Variants in GPRC5A observed in about 807,000 individuals in gnomAD.
GPRC5A encodes the protein retinoic acid-induced protein 3.
GPRC5A carries 19 observed loss-of-function variants against 22.5 expected under a neutral mutation model. The ratio of observed to expected loss-of-function variants is 0.85; its 90% confidence interval spans 0.59 to 1.24. GPRC5A has a LOEUF of 1.24. Among genes scored for constraint, GPRC5A ranks in the 50% most tolerant of loss-of-function variants. The pLI, the probability that GPRC5A is intolerant of heterozygous loss-of-function variation, is 0.00. For synonymous variants in GPRC5A, 192 were observed against 184.5 expected (o/e 1.04, Z -0.33); for missense variants, 471 against 451.1 (o/e 1.04, Z -0.40).
chr12:12,897,273 A>G (rs1291448709), intron 1 of GPRC5A, among the ~76,000 whole-genome samples: 2 of 150,510 alleles, frequency 1.3e-5, no homozygotes, highest in Non-Finnish European at 3.0e-5. Context: ...AGTAATAATG[A>G]TAATAATTTA....
At chr12:12,894,013 C>T (rs543834443) in intron 1 of GPRC5A, among the ~76,000 whole-genome samples, 73 of 152,302 alleles carry the variant, frequency 4.8e-4, no homozygotes, top group Middle Eastern at 3.4e-3. Flanking sequence ...CTGCCTGCCT[C>T]GGCCTCCCAA....
chr12:12,912,556 G>A lies in GPRC5A; in HGVS notation c.*17G>A, dbSNP rs1398606523. The A allele has an allele frequency of 1.4e-6, 2 of 1,442,536 alleles. No homozygotes were observed. Among genetic ancestry groups the A allele is most frequent in the Admixed American group, 1.7e-5 (1 of 59,672 alleles). 89.4% of individuals were successfully genotyped at this position (1,442,536 alleles called of 1,614,324 possible). A position where few individuals can be genotyped will look rare whatever the true frequency, so the allele number is the denominator to read the frequency against. On this transcript the variant is annotated 3_prime_UTR_variant, in exon 4 of 4. Transcript: ENST00000014914. ...GGCAGCTAACTCTGTCCTGAAGAGT[G>A]GGACAAATGCAGCCGGGCGGCAGAT...
rs756970641 is a variant in GPRC5A at position 12,908,242 on chromosome 12, G to C, written c.-7-1G>C. ...CCCACTCCAACATTCCTTTTCTGCA[G>C]GTCCAGAATGGCTACAACAGTCCCT... On this transcript the variant is annotated splice_acceptor_variant, in intron 1 of 3. Coordinates refer to ENST00000014914, the MANE Select transcript of GPRC5A (RefSeq NM_003979.4). LOFTEE classifies it low-confidence loss of function (5UTR_SPLICE). 1 of 1,547,746 alleles carries C rather than the reference G, an allele frequency of 6.5e-7. No homozygotes were observed. The highest frequency in any genetic ancestry group is 2.0e-5 in the Admixed American group (1 of 51,264).
intron 1 of GPRC5A, among the ~76,000 whole-genome samples, chr12:12,892,909 G>T (rs1450836522): frequency 2.6e-5 from 4 of 152,174 alleles, no homozygotes; most frequent in Non-Finnish European, 5.9e-5. Flanking sequence ...CGGGAGGGGT[G>T]AGGGCGGAGG....
At chr12:12,912,321 T>C (rs930846363) in intron 3 of GPRC5A, 126 bp from the exon 4 acceptor site, 3 of 839,758 alleles carry the variant, frequency 3.6e-6, no homozygotes, top group Non-Finnish European at 6.2e-6. Context: ...GTGCTTGGCA[T>C]AGAGAGGACT....
At chr12:12,903,956 A>G (rs1863914576) in intron 1 of GPRC5A, among the ~76,000 whole-genome samples, 1 of 152,214 alleles carries the variant, frequency 6.6e-6, no homozygotes, top group African/African-American at 2.4e-5. Flanking sequence ...AATTATGAAA[A>G]CAACTACTTG....
In GPRC5A at chr12:12,916,824, AT is replaced by A. The variant is rs1864068667; in HGVS notation, c.*4286del. On this transcript the variant is annotated 3_prime_UTR_variant, in exon 4 of 4. Transcript: ENST00000014914. ...AGAGTACGGCCGGCCCTGGAAATGC[AT>A]CAGCAAAACCCATTTCCCCCGTGCA... is the stretch of plus-strand genomic sequence containing the variant. 1.3e-5 allele frequency: 2 copies of A among 152,262 alleles called. No individual in the cohort carries two copies. Among genetic ancestry groups the A allele is most frequent in the African/African-American group, 4.8e-5 (2 of 41,444 alleles). 9.4% of individuals were successfully genotyped at this position (152,262 alleles called of 1,614,324 possible).
intron 1 of GPRC5A, among the ~76,000 whole-genome samples, chr12:12,907,519 A>G (rs1329898676): frequency 6.6e-6 from 1 of 152,164 alleles, no homozygotes; most frequent in Non-Finnish European, 1.5e-5. Flanking sequence ...AGAGGCTGCA[A>G]CGTTATGATT....
At chr12:12,894,022 A>G (rs1863794061) in intron 1 of GPRC5A, among the ~76,000 whole-genome samples, 1 of 152,232 alleles carries the variant, frequency 6.6e-6, no homozygotes, top group South Asian at 2.1e-4. Context: ...TCGGCCTCCC[A>G]AAGTGCTGGG....
At chr12:12,902,660 C>T (rs1470525018) in intron 1 of GPRC5A, among the ~76,000 whole-genome samples, 1 of 152,050 alleles carries the variant, frequency 6.6e-6, no homozygotes, top group Non-Finnish European at 1.5e-5. Context: ...GTTTCAGCTT[C>T]TTGTGGGTGC....
At chr12:12,900,343 G>A (rs967367396) in intron 1 of GPRC5A, among the ~76,000 whole-genome samples, 11 of 152,294 alleles carry the variant, frequency 7.2e-5, no homozygotes, top group African/African-American at 2.6e-4. Flanking sequence ...GTGGGTGAAC[G>A]GTGGAGCTGA....
chr12:12,906,321 A>G (rs1863940406), intron 1 of GPRC5A, among the ~76,000 whole-genome samples: 1 of 152,274 alleles, frequency 6.6e-6, no homozygotes. Flanking sequence ...CTATAATCCC[A>G]GCACTTTGGG....
At chr12:12,901,923 G>A (rs1489254453) in intron 1 of GPRC5A, among the ~76,000 whole-genome samples, 1 of 152,196 alleles carries the variant, frequency 6.6e-6, no homozygotes, top group Non-Finnish European at 1.5e-5. Context: ...ACCACCGCTA[G>A]TCTCATTCTC....
chr12:12,909,937 T>TAAAAAAA (rs1158941504), intron 2 of GPRC5A: 14 of 95,328 alleles, frequency 1.5e-4, no homozygotes, highest in Non-Finnish European at 2.0e-4. Context: ...CATCTCTATT[T>TAAAAAAA]AAAAAAAAAA....
In GPRC5A at chr12:12,908,498, C is replaced by A; in HGVS notation, c.249C>A (p.Phe83Leu). The A allele has an allele frequency of 1.2e-6, 2 of 1,614,134 alleles. No homozygotes were observed. The highest frequency in any genetic ancestry group is 1.6e-4 in the Middle Eastern group (1 of 6,062). ...LGVLGIFGLT[F>L]AFIIGLDGST... Reference sequence around the variant, plus strand: ...TGTTGGGCATCTTTGGCCTCACCTTCGCCTTCATCATCGGACTGGACGGGA... The same window carrying A: ...TGTTGGGCATCTTTGGCCTCACCTTAGCCTTCATCATCGGACTGGACGGGA... Residue 83 changes from phenylalanine to leucine, a missense_variant, in exon 2 of 4, where the codon TTC becomes TTA. Physicochemically the swap from Phe to Leu is conservative, Grantham distance 22. Coordinates refer to ENST00000014914, the MANE Select transcript of GPRC5A (RefSeq NM_003979.4).
Position 12,908,987 on chromosome 12 carries a change from C to A in GPRC5A, c.738C>A (p.Ser246Arg), listed in dbSNP as rs752539549. Residue 246 changes from serine to arginine, a missense_variant, in exon 2 of 4, where the codon AGC (serine) becomes AGA (arginine). Physicochemically the swap from Ser to Arg is moderately radical, Grantham distance 110. Coordinates refer to ENST00000014914, the MANE Select transcript of GPRC5A (RefSeq NM_003979.4). ...GCAGGTGGGATGACACCATCCTCAGCTCCGCCTTGGCTGCCAATGGCTGGG... is the reference window on the plus strand; with the variant it reads ...GCAGGTGGGATGACACCATCCTCAGATCCGCCTTGGCTGCCAATGGCTGGG... ...FDRRWDDTIL[S>R]SALAANGWVF... 1 of 1,614,178 alleles carries A rather than the reference C, an allele frequency of 6.2e-7. No individual in the cohort carries two copies. Among genetic ancestry groups the A allele is most frequent in the South Asian group, 1.1e-5 (1 of 91,086 alleles).
rs1864067460 is a variant in GPRC5A at position 12,916,705 on chromosome 12, G to A, written c.*4166G>A. On this transcript the variant is annotated 3_prime_UTR_variant, in exon 4 of 4. Transcript: ENST00000014914. ...TTTGCATCCAATCTGGCATCTTTAC[G>A]GAGAGCGGTCTCATATGCTATTGTT... 6.6e-6 allele frequency: 1 copy of A among 152,102 alleles called. No individual in the cohort carries two copies. Among genetic ancestry groups the A allele is most frequent in the African/African-American group, 2.4e-5 (1 of 41,428 alleles). 9.4% of individuals were successfully genotyped at this position (152,102 alleles called of 1,614,324 possible).
chr12:12,917,360 A>C lies in GPRC5A; in HGVS notation c.*4821A>C, dbSNP rs1307370075. The stretch of plus-strand genomic sequence containing the variant: ...GTGCCAAAAATTTTAGAGTTTGAGA[A>C]GGTCACAGAAATCCTCTAGTTGGTG... On this transcript the variant is annotated 3_prime_UTR_variant, in exon 4 of 4. Coordinates refer to ENST00000014914, the MANE Select transcript of GPRC5A (RefSeq NM_003979.4). 6.6e-6 allele frequency: 1 copy of C among 152,024 alleles called. No individual in the cohort carries two copies. The highest frequency in any genetic ancestry group is 2.4e-5 in the African/African-American group (1 of 41,404). The allele number at this position is 152,024 out of a possible 1,614,324, so 9.4% of individuals were successfully genotyped here. A position where few individuals can be genotyped will look rare whatever the true frequency, so the allele number is the denominator to read the frequency against.
chr12:12,910,128 G>A (rs974842143), intron 2 of GPRC5A, among the ~76,000 whole-genome samples: 5 of 152,038 alleles, frequency 3.3e-5, no homozygotes, highest in African/African-American at 7.3e-5. Flanking sequence ...TAATCACAGG[G>A]GGTGGGTGGT....
Sources: allele counts gnomAD v4.1 joint callset (sites outside exome capture counted in the v4.1 genomes callset), GRCh38; gene constraint gnomAD v4.1.1; transcripts MANE v1.5; gene names NCBI Gene and HGNC (gene_info 2026-07-23, HGNC 2026-07-21).